SLC39A8: variants seen among roughly 807,000 people sequenced by gnomAD.
SLC39A8 encodes solute carrier family 39 member 8.
SLC39A8 carries 15 observed loss-of-function variants against 40.4 expected under a neutral mutation model. That is an observed-to-expected ratio of 0.37 (90% CI 0.25 to 0.57). SLC39A8 has a LOEUF of 0.57. SLC39A8 is among the 20% of genes least tolerant of loss of function. The probability of loss-of-function intolerance (pLI) is 0.75; values close to 1 mark genes in which losing one functional copy is unlikely to be tolerated. For synonymous variants in SLC39A8, 223 were observed against 221.6 expected, an observed-to-expected ratio of 1.01 and a Z score of -0.06; for missense variants, 472 against 558.8, an observed-to-expected ratio of 0.84 and a Z score of 1.57.
chr4:102,285,014 C>T (rs1037097987), intron 6 of SLC39A8, among the ~76,000 whole-genome samples: 1 of 152,100 alleles, frequency 6.6e-6, no homozygotes, highest in African/African-American at 2.4e-5. Context: ...CTTTTATCCA[C>T]TTTCACTAAG....
At chr4:102,311,886 G>C (rs1734448341) in intron 3 of SLC39A8, among the ~76,000 whole-genome samples, 1 of 152,020 alleles carries the variant, frequency 6.6e-6, no homozygotes, top group Non-Finnish European at 1.5e-5. Context: ...TAAGTGAAAA[G>C]TTATATGAAA....
chr4:102,309,622 A>T (rs1162727128), intron 3 of SLC39A8, among the ~76,000 whole-genome samples: 1 of 152,082 alleles, frequency 6.6e-6, no homozygotes. Context: ...TTATAATCTC[A>T]TTGGGTAGAC....
At chr4:102,330,875 C>T (rs906631409) in intron 2 of SLC39A8, among the ~76,000 whole-genome samples, 7 of 152,172 alleles carry the variant, frequency 4.6e-5, no homozygotes, top group African/African-American at 1.4e-4. Context: ...TCAACATATG[C>T]AAATCAATAA....
chr4:102,299,672 T>C (rs1464428376), intron 6 of SLC39A8, among the ~76,000 whole-genome samples: 3 of 152,074 alleles, frequency 2.0e-5, no homozygotes, highest in African/African-American at 4.8e-5. Context: ...TTCTATTTTA[T>C]TGCACCTCAA....
At position 102,280,955 on chromosome 4, in the gene SLC39A8, G is replaced by A. The variant is rs553386578; in HGVS notation, c.841-12876C>T. ...GAACAATTTAGGAGAAACCTGAGAG[G>A]TTTTCAAGAAATCTGCTACTTTGCC... On this transcript the variant is annotated intron_variant, in intron 6 of 8. Coordinates refer to ENST00000356736, the MANE Select transcript of SLC39A8 (RefSeq NM_001135146.2). Among the ~76,000 whole-genome samples, 4 of 152,208 alleles carry A rather than the reference G, an allele frequency of 2.6e-5. No homozygotes were observed. The East Asian group carries it at 7.7e-4, about 29-fold the overall frequency.
chr4:102,263,581 G>T (rs1467520018), intron 8 of SLC39A8, among the ~76,000 whole-genome samples: 1 of 152,164 alleles, frequency 6.6e-6, no homozygotes, highest in African/African-American at 2.4e-5. Context: ...CTAAAGATGG[G>T]AGTGGCTGTG....
rs556309213 is a variant in SLC39A8 at position 102,344,473 on chromosome 4, G to A, written c.190C>T (p.Pro64Ser). The A allele has an allele frequency of 4.7e-4, 729 of 1,546,884 alleles. 20 individuals are homozygous for A. The South Asian group carries it at 8.4e-3, about 18-fold the overall frequency. The change falls in exon 2 of 9, where the codon CCG becomes TCG. Residue 64 changes from proline to serine, a missense_variant. Physicochemically the swap from Pro to Ser is moderately conservative, Grantham distance 74. Transcript: ENST00000356736. ...QMGAASRVGVPEPGQLHFNQC... is the reference protein window; with the variant it reads ...QMGAASRVGVSEPGQLHFNQC... ...TTGAAGTGCAGCTGGCCAGGCTCCGGGACGCCCACGCGGGAGGCGGCTCCC... is the reference window on the plus strand; with the variant it reads ...TTGAAGTGCAGCTGGCCAGGCTCCGAGACGCCCACGCGGGAGGCGGCTCCC...
At chr4:102,304,073 A>G (rs1578594002) in intron 6 of SLC39A8, among the ~76,000 whole-genome samples, 1 of 151,970 alleles carries the variant, frequency 6.6e-6, no homozygotes, top group East Asian at 1.9e-4. Flanking sequence ...ATAGTAAATA[A>G]TCTTAGAGAA....
At chr4:102,323,049 T>G (rs1347867877) in intron 2 of SLC39A8, among the ~76,000 whole-genome samples, 4 of 152,338 alleles carry the variant, frequency 2.6e-5, no homozygotes, top group South Asian at 4.1e-4. Flanking sequence ...TTGCCATGTA[T>G]GCAGCTGTGA....
intron 2 of SLC39A8, among the ~76,000 whole-genome samples, chr4:102,322,449 TA>T (rs1290634638): frequency 5.3e-5 from 8 of 152,308 alleles, no homozygotes; most frequent in South Asian, 2.1e-4. Context: ...AAGTCACTTT[TA>T]AAAGCTAGTG....
chr4:102,330,369 T>A (rs1735397116), intron 2 of SLC39A8, among the ~76,000 whole-genome samples: 1 of 152,112 alleles, frequency 6.6e-6, no homozygotes, highest in Non-Finnish European at 1.5e-5. Context: ...AAATTCAAAC[T>A]ACCATCAGAG....
chr4:102,295,672 G>C (rs947506385), intron 6 of SLC39A8, among the ~76,000 whole-genome samples: 1 of 151,982 alleles, frequency 6.6e-6, no homozygotes, highest in Non-Finnish European at 1.5e-5. Flanking sequence ...TGGAATTACA[G>C]GCATGAGCCA....
At chr4:102,316,436 A>C (rs974303599) in intron 2 of SLC39A8, among the ~76,000 whole-genome samples, 4 of 152,200 alleles carry the variant, frequency 2.6e-5, no homozygotes, top group Non-Finnish European at 5.9e-5. Flanking sequence ...TTTTGAAAAT[A>C]GTGCTGGGCT....
At position 102,336,019 on chromosome 4, in the gene SLC39A8, T is replaced by A. The variant is rs560379043; in HGVS notation, c.219+8425A>T. Among the ~76,000 whole-genome samples the A allele has an allele frequency of 8.9e-4, 135 of 152,346 alleles. 1 individual carries two copies. Among genetic ancestry groups the A allele is most frequent in the African/African-American group, 3.2e-3 (131 of 41,584 alleles). On this transcript the variant is annotated intron_variant, in intron 2 of 8. Transcript: ENST00000356736. ...CATACTATTATGATGATAATAACTA[T>A]GCATTGAGCACATAATTTGAGCCAG...
chr4:102,304,192 C>A, intron 6 of SLC39A8, 125 bp downstream of exon 6: 1 of 621,004 alleles, frequency 1.6e-6, no homozygotes, highest in Non-Finnish European at 2.7e-6. Context: ...TCCAGTTACC[C>A]CACATATATA....
At chr4:102,289,389 G>A (rs745404399) in intron 6 of SLC39A8, among the ~76,000 whole-genome samples, 10 of 152,096 alleles carry the variant, frequency 6.6e-5, no homozygotes, top group African/African-American at 2.4e-4. Context: ...GATGAATGTC[G>A]TTTTCATGCC....
chr4:102,293,828 A>G (rs1005232968), intron 6 of SLC39A8, among the ~76,000 whole-genome samples: 46 of 152,070 alleles, frequency 3.0e-4, no homozygotes, highest in African/African-American at 1.1e-3. Flanking sequence ...GTGAAAAAAC[A>G]AGGTGAGGAG....
intron 2 of SLC39A8, among the ~76,000 whole-genome samples, chr4:102,319,766 C>G (rs916587224): frequency 2.3e-4 from 35 of 151,970 alleles, no homozygotes; most frequent in African/African-American, 8.5e-4. Context: ...CCACTGGCTT[C>G]CCAAATTAAA....
At chr4:102,286,624 A>G (rs1733194109) in intron 6 of SLC39A8, among the ~76,000 whole-genome samples, 1 of 152,130 alleles carries the variant, frequency 6.6e-6, no homozygotes, top group Non-Finnish European at 1.5e-5. Flanking sequence ...ACACATAATA[A>G]CAACTTGGAA....
Sources: gnomAD v4.1 joint callset for allele counts (sites outside exome capture counted in the v4.1 genomes callset) on GRCh38, gnomAD v4.1.1 for gene constraint, MANE v1.5 for transcripts, NCBI Gene and HGNC (gene_info 2026-07-23, HGNC 2026-07-21) for gene names.